BLTP3A: variants seen among roughly 807,000 people sequenced by gnomAD.
BLTP3A encodes the protein ICBP90 binding protein 1.
chr6:34,812,994 A>G, the BLTP3A span, among the ~76,000 whole-genome samples: 82 of 152,346 alleles, frequency 5.4e-4, no homozygotes, highest in African/African-American at 1.4e-3. Context: ...AGATTTGGGT[A>G]GGAAGCTTAG....
the BLTP3A span, among the ~76,000 whole-genome samples, chr6:34,823,539 G>GTT: frequency 4.9e-4 from 66 of 134,052 alleles, no homozygotes; most frequent in East Asian, 8.6e-4. Context: ...TTCTTCTTCT[G>GTT]TTTTTTTTTT....
the BLTP3A span, among the ~76,000 whole-genome samples, chr6:34,849,475 C>A: frequency 1.4e-4 from 21 of 152,272 alleles, no homozygotes; most frequent in Admixed American, 3.9e-4. Context: ...AATTTCATCT[C>A]CCTGGTTTTT....
the BLTP3A span, chr6:34,863,879 A>G: frequency 5.6e-6 from 5 of 897,966 alleles, no homozygotes; most frequent in Non-Finnish European, 8.1e-6. Context: ...TCAAAGTTGT[A>G]TGTTCCTAAT....
the BLTP3A span, among the ~76,000 whole-genome samples, chr6:34,805,291 T>C: frequency 6.7e-6 from 1 of 148,606 alleles, no homozygotes; most frequent in Non-Finnish European, 1.5e-5. Context: ...AAAAAAAAAA[T>C]AGTTAAATAT....
the BLTP3A span, among the ~76,000 whole-genome samples, chr6:34,826,550 G>A: frequency 6.6e-6 from 1 of 151,986 alleles, no homozygotes; most frequent in East Asian, 1.9e-4. Flanking sequence ...GCAGAGATGG[G>A]TCTCACCATA....
At chr6:34,875,999 A>C in the BLTP3A span, 1 of 152,732 alleles carries the variant, frequency 6.5e-6, no homozygotes, top group Admixed American at 6.5e-5. Context: ...GCACATTACC[A>C]ATTCAGCTGT....
At chr6:34,812,277 T>C in the BLTP3A span, among the ~76,000 whole-genome samples, 1 of 149,792 alleles carries the variant, frequency 6.7e-6, no homozygotes, top group African/African-American at 2.5e-5. Flanking sequence ...TGCAGTAAGC[T>C]GAGATTGAGC....
chr6:34,812,410 A>G, the BLTP3A span, among the ~76,000 whole-genome samples: 1 of 151,992 alleles, frequency 6.6e-6, no homozygotes, highest in Non-Finnish European at 1.5e-5. Flanking sequence ...CCAACATTGT[A>G]AACAACAAAC....
At chr6:34,832,692 C>T in the BLTP3A span, among the ~76,000 whole-genome samples, 1 of 151,828 alleles carries the variant, frequency 6.6e-6, no homozygotes, top group East Asian at 1.9e-4. Flanking sequence ...CTCAAATGAT[C>T]CTCCACCTCG....
chr6:34,849,847 T>C, the BLTP3A span, among the ~76,000 whole-genome samples: 1 of 152,158 alleles, frequency 6.6e-6, no homozygotes, highest in Admixed American at 6.5e-5. Context: ...AGGATAAAAG[T>C]TTTCTCCTGG....
At chr6:34,868,042 C>T in the BLTP3A span, among the ~76,000 whole-genome samples, 1 of 152,192 alleles carries the variant, frequency 6.6e-6, no homozygotes, top group Non-Finnish European at 1.5e-5. Context: ...GCGCGGGGCT[C>T]ATGCCTGTAA....
chr6:34,861,159 GA>G, the BLTP3A span, among the ~76,000 whole-genome samples: 2 of 149,782 alleles, frequency 1.3e-5, no homozygotes, highest in Non-Finnish European at 3.0e-5. Context: ...TTTTTTTTGA[GA>G]CAGGTCTCAT....
At chr6:34,865,776 G>A in the BLTP3A span, among the ~76,000 whole-genome samples, 1 of 152,140 alleles carries the variant, frequency 6.6e-6, no homozygotes, top group African/African-American at 2.4e-5. Context: ...AGAATGCACC[G>A]TTTCTTAAGC....
chr6:34,857,703 TTTC>T, the BLTP3A span: 1 of 1,606,466 alleles, frequency 6.2e-7, no homozygotes, highest in South Asian at 1.1e-5. Flanking sequence ...GGATGTTTCT[TTTC>T]TTCCCTCTGC....
chr6:34,827,661 C>T, the BLTP3A span, among the ~76,000 whole-genome samples: 12 of 151,984 alleles, frequency 7.9e-5, no homozygotes, highest in South Asian at 1.7e-3. Context: ...GAAGTTTTTC[C>T]GCTCTTGTTT....
the BLTP3A span, among the ~76,000 whole-genome samples, chr6:34,806,680 A>G: frequency 6.6e-6 from 1 of 152,146 alleles, no homozygotes; most frequent in East Asian, 1.9e-4. Context: ...CCCCCTCCCC[A>G]AGATGGAGTT....
the BLTP3A span, among the ~76,000 whole-genome samples, chr6:34,807,329 G>C: frequency 6.6e-6 from 1 of 152,142 alleles, no homozygotes; most frequent in South Asian, 2.1e-4. Context: ...CGGGTAGAGG[G>C]TTGCTATCCC....
chr6:34,817,770 T>A, the BLTP3A span, among the ~76,000 whole-genome samples: 1 of 152,102 alleles, frequency 6.6e-6, no homozygotes, highest in East Asian at 1.9e-4. Flanking sequence ...CTGTCCTCTG[T>A]AACCACAATC....
the BLTP3A span, among the ~76,000 whole-genome samples, chr6:34,822,483 C>G: frequency 6.6e-6 from 1 of 152,144 alleles, no homozygotes; most frequent in Non-Finnish European, 1.5e-5. Flanking sequence ...AGGTGATCCA[C>G]CCGTCTCAGC....
Sources: gnomAD v4.1 joint callset for allele counts (sites outside exome capture counted in the v4.1 genomes callset) on GRCh38, gnomAD v4.1.1 for gene constraint, MANE v1.5 for transcripts, NCBI Gene and HGNC (gene_info 2026-07-23, HGNC 2026-07-21) for gene names.